The following GRM7 variants were observed in gnomAD, a reference collection of about 807,000 sequenced individuals.
The protein encoded by GRM7 is glutamate metabotropic receptor 7, also known as metabotropic glutamate receptor 7.
Under a neutral mutation model 84.5 loss-of-function variants are expected in GRM7, and 35 were observed. That is an observed-to-expected ratio of 0.41 (90% CI 0.32 to 0.55). The LOEUF is 0.55. Among genes scored for constraint, GRM7 ranks in the 20% least tolerant of loss-of-function variants. GRM7 has a pLI of 0.19. For synonymous variants in GRM7, 487 were observed against 455.1 expected (o/e 1.07, Z -0.89); for missense variants, 1,003 against 1,194.6 (o/e 0.84, Z 2.36).
intron 7 of GRM7, among the ~76,000 whole-genome samples, chr3:7,548,885 TAAATA>T (rs1366200565): frequency 1.3e-5 from 2 of 152,214 alleles, no homozygotes; most frequent in African/African-American, 4.8e-5. Context: ...ATGCAAAGAT[TAAATA>T]AAATCAGGAC....
intron 7 of GRM7, among the ~76,000 whole-genome samples, chr3:7,512,538 T>G (rs1246324954): frequency 6.6e-6 from 1 of 152,072 alleles, no homozygotes; most frequent in African/African-American, 2.4e-5. Context: ...AGAAATCTTT[T>G]TGGAAGAAAA....
At chr3:7,090,926 C>A (rs1698640770) in intron 1 of GRM7, among the ~76,000 whole-genome samples, 1 of 151,826 alleles carries the variant, frequency 6.6e-6, no homozygotes. Flanking sequence ...TTAAAAACAG[C>A]CATTTAAGAA....
chr3:7,101,213 C>A (rs1269769220), intron 1 of GRM7, among the ~76,000 whole-genome samples: 1 of 151,544 alleles, frequency 6.6e-6, no homozygotes, highest in Non-Finnish European at 1.5e-5. Flanking sequence ...TTTTTTTATT[C>A]CCGCAGACAA....
chr3:7,622,394 A>C (rs1230569421), intron 8 of GRM7, among the ~76,000 whole-genome samples: 2 of 152,102 alleles, frequency 1.3e-5, no homozygotes, highest in Admixed American at 6.6e-5. Context: ...CATTTTACAG[A>C]TATCAGTTAG....
chr3:7,626,044 G>C (rs1697592089), intron 8 of GRM7, among the ~76,000 whole-genome samples: 1 of 152,142 alleles, frequency 6.6e-6, no homozygotes, highest in Non-Finnish European at 1.5e-5. Flanking sequence ...TTAGGCATCA[G>C]AGAGCCATTT....
intron 2 of GRM7, among the ~76,000 whole-genome samples, chr3:7,252,400 CT>C (rs1303810659): frequency 6.6e-6 from 1 of 152,186 alleles, no homozygotes; most frequent in African/African-American, 2.4e-5. Flanking sequence ...TGCACATGGT[CT>C]GGGGATGTTG....
intron 4 of GRM7, among the ~76,000 whole-genome samples, chr3:7,308,179 A>C (rs1429453492): frequency 6.6e-6 from 1 of 152,162 alleles, no homozygotes; most frequent in Non-Finnish European, 1.5e-5. Context: ...TTTACAAGAC[A>C]CTGGGGAGAC....
intron 4 of GRM7, among the ~76,000 whole-genome samples, chr3:7,356,395 A>T (rs1575212378): frequency 6.6e-6 from 1 of 151,472 alleles, no homozygotes; most frequent in Non-Finnish European, 1.5e-5. Context: ...TCTACCTCCC[A>T]AATTCAAGCG....
At chr3:7,251,257 T>G (rs1431931282) in intron 2 of GRM7, among the ~76,000 whole-genome samples, 1 of 152,012 alleles carries the variant, frequency 6.6e-6, no homozygotes, top group Non-Finnish European at 1.5e-5. Context: ...AGAAAGAATT[T>G]TAATGCTTTC....
chr3:7,099,959 ATATAT>A (rs1284156024), intron 1 of GRM7, among the ~76,000 whole-genome samples: 4 of 147,804 alleles, frequency 2.7e-5, no homozygotes, highest in Admixed American at 1.4e-4. Context: ...GTATATATAC[ATATAT>A]TATACATATA....
chr3:7,490,176 A>G (rs1030406985), intron 7 of GRM7, among the ~76,000 whole-genome samples: 1 of 152,180 alleles, frequency 6.6e-6, no homozygotes, highest in Non-Finnish European at 1.5e-5. Context: ...GAAAGATAAT[A>G]TAATACAAAT....
chr3:7,158,743 C>G (rs1235770360), intron 2 of GRM7, among the ~76,000 whole-genome samples: 1 of 152,142 alleles, frequency 6.6e-6, no homozygotes, highest in African/African-American at 2.4e-5. Context: ...ATTCTGGCAT[C>G]TCCAGTCCAT....
chr3:6,950,979 G>A (rs1249144887), intron 1 of GRM7, among the ~76,000 whole-genome samples: 1 of 152,198 alleles, frequency 6.6e-6, no homozygotes, highest in African/African-American at 2.4e-5. Flanking sequence ...CTAGGAAAGG[G>A]AATTCCCTGA....
intron 2 of GRM7, among the ~76,000 whole-genome samples, chr3:7,268,295 T>TAAA (rs149310773): frequency 1.4e-5 from 2 of 146,350 alleles, no homozygotes; most frequent in African/African-American, 2.5e-5. Flanking sequence ...ACAAAAAACT[T>TAAA]AAAAAAAAAA....
rs189313391 is a variant in GRM7 at position 7,306,450 on chromosome 3, G to C, written c.879-48G>C. 8.5e-6 allele frequency: 13 copies of C among 1,535,278 alleles called. No homozygotes were observed. The Admixed American group carries it at 1.8e-4, about 22-fold the overall frequency. ...CTGACTTGCAATCTACACGGATTCAGCTGACGTTCTTTATCATTAATATAA... is the reference window on the plus strand; with the variant it reads ...CTGACTTGCAATCTACACGGATTCACCTGACGTTCTTTATCATTAATATAA... On this transcript the variant is annotated intron_variant, in intron 3 of 9. Coordinates refer to ENST00000357716, the MANE Select transcript of GRM7 (RefSeq NM_000844.4).
intron 2 of GRM7, among the ~76,000 whole-genome samples, chr3:7,252,780 C>G (rs1310073524): frequency 6.8e-6 from 1 of 147,026 alleles, no homozygotes; most frequent in East Asian, 2.0e-4. Flanking sequence ...CCTCTGCCTC[C>G]CGGGTTCAAC....
At chr3:7,555,908 T>C (rs1206677133) in intron 7 of GRM7, among the ~76,000 whole-genome samples, 1 of 152,154 alleles carries the variant, frequency 6.6e-6, no homozygotes. Context: ...GCCAAAAGCA[T>C]TGCTAATCTT....
chr3:7,738,754 T>A (rs1426260558), intron 9 of GRM7, among the ~76,000 whole-genome samples: 1 of 151,406 alleles, frequency 6.6e-6, no homozygotes, highest in East Asian at 1.9e-4. Context: ...TCTTTTGTCC[T>A]GAGGATAATT....
intron 9 of GRM7, among the ~76,000 whole-genome samples, chr3:7,701,446 G>A (rs527823239): frequency 1.1e-4 from 16 of 151,996 alleles, no homozygotes; most frequent in East Asian, 9.7e-4. Flanking sequence ...GACTACAGGC[G>A]CACACCACCA....
Sources: allele counts gnomAD v4.1 joint callset (sites outside exome capture counted in the v4.1 genomes callset), GRCh38; gene constraint gnomAD v4.1.1; transcripts MANE v1.5; gene names NCBI Gene and HGNC (gene_info 2026-07-23, HGNC 2026-07-21).